Variants in ASTN2 observed in about 807,000 individuals in gnomAD.
The protein encoded by ASTN2 is astrotactin-2.
A neutral mutation model predicts 139.8 loss-of-function variants in ASTN2; 54 were observed. The ratio of observed to expected loss-of-function variants is 0.39; its 90% CI spans 0.31 to 0.48. The LOEUF (loss-of-function observed/expected upper bound fraction) is 0.48. ASTN2 is among the 20% of genes least tolerant of loss of function. The pLI, the probability that ASTN2 is intolerant of heterozygous loss-of-function variation, is 0.95. For synonymous variants in ASTN2, 756 were observed against 719.5 expected, an observed-to-expected ratio of 1.05 and a Z score of -0.81; for missense variants, 1,565 against 1,725.1, an observed-to-expected ratio of 0.91 and a Z score of 1.64.
At chr9:116,748,320 A>G (rs979907658) in intron 13 of ASTN2, among the ~76,000 whole-genome samples, 1 of 152,128 alleles carries the variant, frequency 6.6e-6, no homozygotes, top group African/African-American at 2.4e-5. Context: ...GTGGCAGCTG[A>G]GCTCCTTGAT....
chr9:116,938,389 C>T (rs1346936521), intron 10 of ASTN2, among the ~76,000 whole-genome samples: 1 of 152,152 alleles, frequency 6.6e-6, no homozygotes, highest in African/African-American at 2.4e-5. Flanking sequence ...TTCCTTGTTA[C>T]TCTAAAAATA....
intron 3 of ASTN2, among the ~76,000 whole-genome samples, chr9:117,185,989 G>A (rs72762222): frequency 0.35 from 53,251 of 151,832 alleles, 9,828 homozygotes; most frequent in East Asian, 0.7. Context: ...AAGGAAGTAC[G>A]GGAAGCAGAG....
At chr9:116,669,659 T>C (rs1859071236) in intron 16 of ASTN2, among the ~76,000 whole-genome samples, 1 of 152,204 alleles carries the variant, frequency 6.6e-6, no homozygotes, top group Non-Finnish European at 1.5e-5. Context: ...TTATATATTT[T>C]GGATAACAGT....
chr9:116,509,693 T>C (rs1850280629), intron 19 of ASTN2, among the ~76,000 whole-genome samples: 1 of 152,172 alleles, frequency 6.6e-6, no homozygotes, highest in Non-Finnish European at 1.5e-5. Context: ...TTTTTAATGA[T>C]TGCCATTCTA....
intron 12 of ASTN2, among the ~76,000 whole-genome samples, chr9:116,808,277 T>TTGTG (rs10553571): frequency 0.16 from 23,840 of 149,520 alleles, 2,260 homozygotes; most frequent in South Asian, 0.22. Flanking sequence ...TAAATACATA[T>TTGTG]TGTGTGTGTG....
intron 1 of ASTN2, among the ~76,000 whole-genome samples, chr9:117,393,392 A>G (rs141141563): frequency 6.6e-6 from 1 of 152,300 alleles, no homozygotes; most frequent in East Asian, 1.9e-4. Context: ...AGATGTAGAG[A>G]AAGAGGAGAA....
At chr9:117,307,002 C>A (rs1285422368) in intron 1 of ASTN2, among the ~76,000 whole-genome samples, 1 of 152,232 alleles carries the variant, frequency 6.6e-6, no homozygotes, top group East Asian at 1.9e-4. Flanking sequence ...GGAGTGAGGA[C>A]CAAGTTAGAT....
intron 16 of ASTN2, among the ~76,000 whole-genome samples, chr9:116,705,118 A>G (rs919738886): frequency 1.3e-5 from 2 of 152,196 alleles, no homozygotes; most frequent in African/African-American, 4.8e-5. Context: ...GTAAGCAGGG[A>G]GTCCTGAGTT....
At chr9:116,842,602 G>A (rs7035217) in intron 11 of ASTN2, among the ~76,000 whole-genome samples, 3,526 of 151,988 alleles carry the variant, frequency 0.023, 132 homozygotes, top group African/African-American at 0.08. Flanking sequence ...CAGCTAGCCC[G>A]TCTATTAATG....
At chr9:117,141,207 A>G in intron 4 of ASTN2, 119 bp downstream of exon 4, 1 of 1,091,384 alleles carries the variant, frequency 9.2e-7, no homozygotes, top group Non-Finnish European at 1.2e-6. Flanking sequence ...TCAGGGAGAA[A>G]GTGGCACAAG....
rs560988504 is a variant in ASTN2, at chr9:116,436,536, G to A, written c.3782+4073C>T. Among the ~76,000 whole-genome samples, 6 of 152,278 alleles carry A rather than the reference G, an allele frequency of 3.9e-5. No homozygotes were observed. In the East Asian group the frequency reaches 1.2e-3, roughly 29 times the overall value. ...TATACATAGTTTACATTGTAGTAGG[G>A]AAGACAGATAATATGTAAGTAAACA... is the stretch of plus-strand genomic sequence containing the variant. On this transcript the variant is annotated intron_variant, in intron 22 of 22. Transcript: ENST00000313400.
intron 19 of ASTN2, among the ~76,000 whole-genome samples, chr9:116,565,225 C>T (rs1219789618): frequency 1.7e-4 from 15 of 87,832 alleles, no homozygotes; most frequent in Admixed American, 6.0e-4. Flanking sequence ...AACACACACA[C>T]ACACACACAC....
At chr9:116,629,838 A>G (rs1304434736) in intron 17 of ASTN2, among the ~76,000 whole-genome samples, 1 of 152,168 alleles carries the variant, frequency 6.6e-6, no homozygotes, top group African/African-American at 2.4e-5. Flanking sequence ...TCTGCTAATG[A>G]AAAAATATTA....
intron 20 of ASTN2, among the ~76,000 whole-genome samples, chr9:116,480,747 C>T (rs1849140908): frequency 6.6e-6 from 1 of 152,014 alleles, no homozygotes; most frequent in Non-Finnish European, 1.5e-5. Flanking sequence ...GAAGGACATC[C>T]CAGGGAAAGA....
At chr9:116,708,233 A>T (rs1828046648) in intron 16 of ASTN2, among the ~76,000 whole-genome samples, 2 of 152,230 alleles carry the variant, frequency 1.3e-5, no homozygotes, top group South Asian at 4.1e-4. Flanking sequence ...TCAGAAACCT[A>T]GAAAGAATGA....
chr9:116,937,306 C>T (rs1024061102), intron 10 of ASTN2, among the ~76,000 whole-genome samples: 1 of 152,158 alleles, frequency 6.6e-6, no homozygotes, highest in African/African-American at 2.4e-5. Context: ...CACCTCCTTC[C>T]TTATTCCCTG....
chr9:116,607,673 ACACAC>A (rs1564149417), intron 19 of ASTN2, among the ~76,000 whole-genome samples: 973 of 7,260 alleles, frequency 0.13, 6 homozygotes, highest in Admixed American at 0.17. Context: ...AGAAATTAAC[ACACAC>A]ACACACACAC....
intron 10 of ASTN2, among the ~76,000 whole-genome samples, chr9:116,880,748 C>A (rs1187686742): frequency 6.6e-6 from 1 of 152,114 alleles, no homozygotes; most frequent in Non-Finnish European, 1.5e-5. Context: ...CCATCCATGG[C>A]TGCCATAGGT....
chr9:117,244,136 C>T lies in ASTN2; in HGVS notation c.631-29394G>A, dbSNP rs144609932. On this transcript the variant is annotated intron_variant, in intron 2 of 22. Transcript: ENST00000313400. ...CTCACCTGCCACCATGTAAGACGTG[C>T]CTCTTCCACTTTGGCCATGATTGCA... is the stretch of plus-strand genomic sequence containing the variant. Among the ~76,000 whole-genome samples the T allele has an allele frequency of 1.1e-3, 168 of 152,288 alleles. 1 individual carries two copies. The highest frequency in any genetic ancestry group is 3.9e-3 in the African/African-American group (162 of 41,558).
Sources: allele counts gnomAD v4.1 joint callset (sites outside exome capture counted in the v4.1 genomes callset), GRCh38; gene constraint gnomAD v4.1.1; transcripts MANE v1.5; gene names NCBI Gene and HGNC (gene_info 2026-07-23, HGNC 2026-07-21).